Variants in CNTNAP2 observed in about 807,000 individuals in gnomAD.
The protein encoded by CNTNAP2 is contactin associated protein 2.
CNTNAP2 carries 98 observed loss-of-function variants against 155.2 expected under a neutral mutation model. The observed-to-expected ratio is 0.63, with a 90% CI of 0.54 to 0.75. The LOEUF (loss-of-function observed/expected upper bound fraction) is 0.75, where lower values mean the gene tolerates loss of function less well. CNTNAP2 is among the 30% of genes least tolerant of loss of function. The probability of loss-of-function intolerance (pLI) is 0.00; values close to 1 mark genes in which losing one functional copy is unlikely to be tolerated. For synonymous variants in CNTNAP2, 651 were observed against 631.2 expected (o/e 1.03, Z -0.47); for missense variants, 1,727 against 1,688.1 (o/e 1.02, Z -0.40).
chr7:148,303,426 C>T lies in CNTNAP2; in HGVS notation c.3475+36300C>T, dbSNP rs74926882. On this transcript the variant is annotated intron_variant, in intron 21 of 23. Transcript: ENST00000361727. Reference sequence around the variant, plus strand: ...CAACACGCCATGAGAGCTGGAAGGGCGCATCCTCTCTTAGGAGCTTGGGCC... The same window carrying T: ...CAACACGCCATGAGAGCTGGAAGGGTGCATCCTCTCTTAGGAGCTTGGGCC... Among the ~76,000 whole-genome samples, 1,345 of 152,244 alleles carry T rather than the reference C, an allele frequency of 8.8e-3. 17 individuals are homozygous for T. Among genetic ancestry groups the T allele is most frequent in the African/African-American group, 0.031 (1,278 of 41,538 alleles).
rs1000581872 is a variant in CNTNAP2 at position 146,494,266 on chromosome 7, G to A, written c.98-280005G>A. Reference sequence around the variant, plus strand: ...GGAGAATGGCATGAATCCGGGAGGCGGAGTTTGTAGTGAGCAGAGATCGCA... The same window carrying A: ...GGAGAATGGCATGAATCCGGGAGGCAGAGTTTGTAGTGAGCAGAGATCGCA... On this transcript the variant is annotated intron_variant, in intron 1 of 23. Coordinates refer to ENST00000361727, the MANE Select transcript of CNTNAP2 (RefSeq NM_014141.6). Among the ~76,000 whole-genome samples, 9 of 151,928 alleles carry A rather than the reference G, an allele frequency of 5.9e-5. No homozygotes were observed. The East Asian group carries it at 1.6e-3, about 26-fold the overall frequency.
chr7:147,754,473 AC>A (rs1386300344), intron 13 of CNTNAP2, among the ~76,000 whole-genome samples: 3 of 152,254 alleles, frequency 2.0e-5, no homozygotes, highest in Non-Finnish European at 4.4e-5. Context: ...ATTTTTAAAA[AC>A]AAATTAAAAG....
Position 147,797,131 on chromosome 7 carries a change from C to T in CNTNAP2, c.2099-106434C>T, listed in dbSNP as rs148194225. On this transcript the variant is annotated intron_variant, in intron 13 of 23. Coordinates refer to ENST00000361727, the MANE Select transcript of CNTNAP2 (RefSeq NM_014141.6). Reference sequence around the variant, plus strand: ...ATGCTGTCAAATTACTTGCTATTAACTTACAAATCACATTCTCCTGTTATA... The same window carrying T: ...ATGCTGTCAAATTACTTGCTATTAATTTACAAATCACATTCTCCTGTTATA... Among the ~76,000 whole-genome samples, 77 of 152,292 alleles carry T rather than the reference C, an allele frequency of 5.1e-4. 1 individual carries two copies. Among genetic ancestry groups the T allele is most frequent in the African/African-American group, 1.7e-3 (69 of 41,578 alleles).
intron 18 of CNTNAP2, among the ~76,000 whole-genome samples, chr7:148,201,017 C>CA (rs1465767592): frequency 6.6e-6 from 1 of 152,212 alleles, no homozygotes; most frequent in Admixed American, 6.5e-5. Flanking sequence ...AGCAATGCCT[C>CA]AAGTCCTTGC....
intron 1 of CNTNAP2, among the ~76,000 whole-genome samples, chr7:146,432,724 G>A (rs1724502): frequency 6.6e-6 from 1 of 152,094 alleles, no homozygotes; most frequent in Non-Finnish European, 1.5e-5. Context: ...TTAGAAAAGT[G>A]ATGTTTGTTC....
chr7:146,812,445 A>AAT (rs368632208), intron 2 of CNTNAP2, among the ~76,000 whole-genome samples: 2,141 of 144,544 alleles, frequency 0.015, 17 homozygotes, highest in Non-Finnish European at 0.02. Context: ...ATATATAAAA[A>AAT]ATATATATAT....
rs200866893 is a variant in CNTNAP2, at chr7:146,116,949, G to A, written c.73G>A (p.Ala25Thr). The A allele has an allele frequency of 1.8e-3, 2,795 of 1,552,118 alleles. 2 individuals are homozygous for A. Among genetic ancestry groups the A allele is most frequent in the Non-Finnish European group, 2.3e-3 (2,601 of 1,147,610 alleles). The change falls in exon 1 of 24, where the codon GCC (alanine) becomes ACC (threonine). Residue 25 changes from alanine (A) to threonine (T), a missense_variant. Transcript: ENST00000361727. This position sits in a 1 kb window ranked among gnomAD's most constrained non-coding sequence, Gnocchi z 5.5. ...GATTGTCAGCAGCTGCCTCTGCAGA[G>A]CCTGGACGGCTCCCTCCACGTCCCG... Reference protein sequence around the residue: ...LWIVSSCLCRAWTAPSTSQKC... With the variant: ...LWIVSSCLCRTWTAPSTSQKC...
chr7:147,033,175 T>C (rs1283716969), intron 3 of CNTNAP2, among the ~76,000 whole-genome samples: 8 of 48,128 alleles, frequency 1.7e-4, no homozygotes, highest in Non-Finnish European at 3.1e-4. Flanking sequence ...TATATATATA[T>C]ATATATATAT....
intron 1 of CNTNAP2, among the ~76,000 whole-genome samples, chr7:146,318,529 T>G (rs190059162): frequency 8.3e-4 from 126 of 152,288 alleles, no homozygotes; most frequent in African/African-American, 3.0e-3. Context: ...TAAAAAGAGA[T>G]AGTCTTTAAT....
rs555881227 is a variant in CNTNAP2 at position 147,524,283 on chromosome 7, G to A, written c.1778-37855G>A. ...TGCCTGCCTGTAATCCCAGCTACTC[G>A]GGTGGCTGAGGCAGGACAATTGCTT... On this transcript the variant is annotated intron_variant, in intron 11 of 23. Coordinates refer to ENST00000361727, the MANE Select transcript of CNTNAP2 (RefSeq NM_014141.6). Among the ~76,000 whole-genome samples, 8 of 152,208 alleles carry A rather than the reference G, an allele frequency of 5.3e-5. No individual in the cohort carries two copies. In the South Asian group the frequency reaches 1.5e-3, roughly 28 times the overall value.
At chr7:148,098,406 T>C (rs1379954886) in intron 15 of CNTNAP2, among the ~76,000 whole-genome samples, 1 of 121,196 alleles carries the variant, frequency 8.3e-6, no homozygotes, top group African/African-American at 3.2e-5. Flanking sequence ...ATCACGCCAC[T>C]GCACTCCAGC....
intron 9 of CNTNAP2, among the ~76,000 whole-genome samples, chr7:147,368,096 TCACACACACACA>T (rs5888250): frequency 0.014 from 1,626 of 117,162 alleles, 46 homozygotes; most frequent in African/African-American, 0.051. Context: ...TCTCTCTCTG[TCACACACACACA>T]CACACACACA....
intron 12 of CNTNAP2, among the ~76,000 whole-genome samples, chr7:147,608,906 C>T (rs998050249): frequency 6.6e-6 from 1 of 151,382 alleles, no homozygotes; most frequent in African/African-American, 2.4e-5. Flanking sequence ...CAGGCAGGGG[C>T]GGGGGTCAAA....
In CNTNAP2 at chr7:147,791,624, C is replaced by T. The variant is rs78731217; in HGVS notation, c.2099-111941C>T. 3.2e-3 allele frequency among the ~76,000 whole-genome samples: 488 copies of T among 152,194 alleles called. 3 individuals carry two copies. Among genetic ancestry groups the T allele is most frequent in the Middle Eastern group, 6.8e-3 (2 of 294 alleles). On this transcript the variant is annotated intron_variant, in intron 13 of 23. Transcript: ENST00000361727. ...ACAAGGATAGTAACCCAGGACAATGCAACACAGTTTGCACTGTACTCTGAT... is the reference window on the plus strand; with the variant it reads ...ACAAGGATAGTAACCCAGGACAATGTAACACAGTTTGCACTGTACTCTGAT...
intron 13 of CNTNAP2, among the ~76,000 whole-genome samples, chr7:147,706,943 T>A (rs142728798): frequency 6.6e-6 from 1 of 152,150 alleles, no homozygotes; most frequent in Non-Finnish European, 1.5e-5. Context: ...TATTTTTTAT[T>A]TCATTTAAGG....
chr7:147,502,579 C>A (rs1798834820), intron 11 of CNTNAP2, among the ~76,000 whole-genome samples: 2 of 152,212 alleles, frequency 1.3e-5, no homozygotes, highest in South Asian at 2.1e-4. Flanking sequence ...TAATATACAA[C>A]ATGGTGACTA....
chr7:146,775,058 G>A (rs1167855581), intron 2 of CNTNAP2, among the ~76,000 whole-genome samples: 1 of 152,112 alleles, frequency 6.6e-6, no homozygotes, highest in Non-Finnish European at 1.5e-5. Flanking sequence ...ACTTAAAAAG[G>A]AAAGAAACAA....
intron 21 of CNTNAP2, among the ~76,000 whole-genome samples, chr7:148,310,089 G>A (rs142161208): frequency 6.6e-6 from 1 of 152,200 alleles, no homozygotes; most frequent in African/African-American, 2.4e-5. Flanking sequence ...ATACGATTTT[G>A]TATAAATTGA....
Position 146,573,443 on chromosome 7 carries a change from T to G in CNTNAP2, c.98-200828T>G, listed in dbSNP as rs1019594650. ...GGTGGGAGCCACTGCGCCTGGCCTT[T>G]TGTTGTTTTTGGTTTTGGTGATTGG... On this transcript the variant is annotated intron_variant, in intron 1 of 23. Transcript: ENST00000361727. 2.6e-5 allele frequency among the ~76,000 whole-genome samples: 4 copies of G among 152,092 alleles called. No homozygotes were observed. The East Asian group carries it at 7.7e-4, about 29-fold the overall frequency.
Sources: allele counts gnomAD v4.1 joint callset (sites outside exome capture counted in the v4.1 genomes callset), GRCh38; gene constraint gnomAD v4.1.1; non-coding constraint Gnocchi (gnomAD v3.1); transcripts MANE v1.5; gene names NCBI Gene and HGNC (gene_info 2026-07-23, HGNC 2026-07-21).